SPOCK3: variants seen among roughly 807,000 people sequenced by gnomAD.
The protein encoded by SPOCK3 is SPARC (osteonectin), cwcv and kazal like domains proteoglycan 3.
Under a neutral mutation model 56.6 loss-of-function variants are expected in SPOCK3, and 30 were observed. The ratio of observed to expected loss-of-function variants is 0.53; its 90% CI spans 0.40 to 0.72. The LOEUF (loss-of-function observed/expected upper bound fraction) is 0.72, where lower values mean the gene tolerates loss of function less well. Ranked by LOEUF, SPOCK3 falls within the 30% of genes least tolerant of loss-of-function variation. The pLI, the probability that SPOCK3 is intolerant of heterozygous loss-of-function variation, is 0.00. For synonymous variants in SPOCK3, 196 were observed against 183.3 expected, an observed-to-expected ratio of 1.07 and a Z score of -0.56; for missense variants, 527 against 530.0, an observed-to-expected ratio of 0.99 and a Z score of 0.06.
At chr4:167,123,207 CA>C (rs1762002487) in intron 2 of SPOCK3, among the ~76,000 whole-genome samples, 1 of 151,666 alleles carries the variant, frequency 6.6e-6, no homozygotes, top group African/African-American at 2.4e-5. Flanking sequence ...TATTTCAATA[CA>C]ATGATACAAA....
At chr4:167,079,910 T>A (rs1382041030) in intron 2 of SPOCK3, among the ~76,000 whole-genome samples, 1 of 151,956 alleles carries the variant, frequency 6.6e-6, no homozygotes, top group African/African-American at 2.4e-5. Context: ...GCCTACCAGT[T>A]TCAGGGTGGG....
chr4:167,116,627 A>ATACTATATACGTATATATATACACG, intron 2 of SPOCK3, among the ~76,000 whole-genome samples: 1 of 132,812 alleles, frequency 7.5e-6, no homozygotes, highest in African/African-American at 2.8e-5. Flanking sequence ...ATATATACAT[A>ATACTATATACGTATATATATACACG]TATACTATAT....
At chr4:166,824,193 A>G (rs1355871993) in intron 6 of SPOCK3, among the ~76,000 whole-genome samples, 1 of 152,054 alleles carries the variant, frequency 6.6e-6, no homozygotes, top group Non-Finnish European at 1.5e-5. Flanking sequence ...TTCAATTGCT[A>G]CCCAATAAAG....
chr4:166,915,311 G>T (rs1003465871), intron 4 of SPOCK3, among the ~76,000 whole-genome samples: 2 of 151,892 alleles, frequency 1.3e-5, no homozygotes, highest in African/African-American at 4.8e-5. Context: ...ATGTATCCCA[G>T]GACTTAAAAT....
chr4:167,058,146 C>T (rs1159174695), intron 3 of SPOCK3, among the ~76,000 whole-genome samples: 1 of 152,060 alleles, frequency 6.6e-6, no homozygotes, highest in Non-Finnish European at 1.5e-5. Context: ...GAAGTTCTGG[C>T]CAGGGCAATT....
intron 2 of SPOCK3, among the ~76,000 whole-genome samples, chr4:167,099,247 C>T (rs1357139324): frequency 6.6e-6 from 1 of 151,596 alleles, no homozygotes; most frequent in East Asian, 1.9e-4. Context: ...ACATTTTCTT[C>T]ATTTTTTAGT....
At chr4:167,024,252 C>T (rs183835387) in intron 3 of SPOCK3, among the ~76,000 whole-genome samples, 11 of 151,990 alleles carry the variant, frequency 7.2e-5, no homozygotes, top group East Asian at 3.9e-4. Context: ...TTTTCCCTGA[C>T]GTTTTCCAGC....
At chr4:166,848,413 C>A (rs528503258) in intron 6 of SPOCK3, among the ~76,000 whole-genome samples, 8 of 152,242 alleles carry the variant, frequency 5.3e-5, no homozygotes, top group African/African-American at 1.2e-4. Context: ...AGACAGAATT[C>A]TTTTTGCTAG....
intron 8 of SPOCK3, among the ~76,000 whole-genome samples, chr4:166,744,969 C>T (rs1299597986): frequency 2.0e-5 from 3 of 152,028 alleles, no homozygotes; most frequent in Non-Finnish European, 2.9e-5. Context: ...ACAAAGCCTC[C>T]AAGAAATATG....
At chr4:167,092,100 T>C (rs1287216582) in intron 2 of SPOCK3, among the ~76,000 whole-genome samples, 1 of 151,964 alleles carries the variant, frequency 6.6e-6, no homozygotes. Flanking sequence ...ACCCAGCTCA[T>C]CTCACTGGGA....
At chr4:166,800,208 G>GAAAAAAAAAAAAAAAAAAAAAAAA (rs1207796263) in intron 6 of SPOCK3, among the ~76,000 whole-genome samples, 83 of 112,998 alleles carry the variant, frequency 7.3e-4, no homozygotes, top group East Asian at 4.0e-3. Flanking sequence ...AAAAAAAAAT[G>GAAAAAAAAAAAAAAAAAAAAAAAA]AAAACATGGA....
chr4:167,074,636 G>C (rs1334792340), intron 2 of SPOCK3, among the ~76,000 whole-genome samples: 6 of 151,876 alleles, frequency 4.0e-5, no homozygotes, highest in Non-Finnish European at 8.8e-5. Context: ...CTATAGCATT[G>C]TTTTTGGAGA....
In SPOCK3 at chr4:167,059,276, A is replaced by T. The variant is rs556702234; in HGVS notation, c.235+3216T>A. Among the ~76,000 whole-genome samples the T allele has an allele frequency of 4.6e-5, 7 of 152,340 alleles. No homozygotes were observed. The East Asian group carries it at 1.4e-3, about 29-fold the overall frequency. ...TTCTGACAAAGGGCTAATATCCAGA[A>T]TCTACAAAGACCTCAAACAAATTTA... On this transcript the variant is annotated intron_variant, in intron 3 of 10. Coordinates refer to ENST00000357545, the MANE Select transcript of SPOCK3 (RefSeq NM_001040159.2).
At chr4:167,162,484 G>A (rs1765402489) in intron 2 of SPOCK3, among the ~76,000 whole-genome samples, 1 of 152,056 alleles carries the variant, frequency 6.6e-6, no homozygotes, top group Non-Finnish European at 1.5e-5. Flanking sequence ...ATTATCAAAA[G>A]TAAAATTTAG....
rs112533196 is a variant in SPOCK3 at position 167,028,369 on chromosome 4, C to T, written c.236-27906G>A. Among the ~76,000 whole-genome samples, 907 of 148,164 alleles carry T rather than the reference C, an allele frequency of 6.1e-3. 8 individuals carry two copies. Among genetic ancestry groups the T allele is most frequent in the African/African-American group, 0.022 (866 of 39,096 alleles). ...TCCAGCCTGTGTGACAGAGTGAAAC[C>T]GGTAAAACAACAACAACAACAACAA... On this transcript the variant is annotated intron_variant, in intron 3 of 10. Transcript: ENST00000357545.
chr4:166,906,352 T>G (rs780291078), intron 5 of SPOCK3, among the ~76,000 whole-genome samples: 1 of 152,018 alleles, frequency 6.6e-6, no homozygotes, highest in Non-Finnish European at 1.5e-5. Context: ...AAATTTTGTG[T>G]AGAAACGGGT....
At chr4:167,163,274 T>G (rs1482540764) in intron 2 of SPOCK3, among the ~76,000 whole-genome samples, 1 of 151,704 alleles carries the variant, frequency 6.6e-6, no homozygotes, top group Admixed American at 6.6e-5. Context: ...AAACATTTAT[T>G]TTTTACATGA....
intron 3 of SPOCK3, among the ~76,000 whole-genome samples, chr4:167,056,950 T>C (rs576461916): frequency 3.3e-5 from 5 of 151,944 alleles, no homozygotes; most frequent in African/African-American, 9.7e-5. Flanking sequence ...ACAAAGATAC[T>C]CCTCGAGAAG....
At chr4:167,018,726 T>C (rs1395332879) in intron 3 of SPOCK3, among the ~76,000 whole-genome samples, 3 of 152,024 alleles carry the variant, frequency 2.0e-5, no homozygotes, top group Non-Finnish European at 2.9e-5. Flanking sequence ...TATCCTTCAG[T>C]TGGAATGCCA....
Sources: gnomAD v4.1 joint callset for allele counts (sites outside exome capture counted in the v4.1 genomes callset) on GRCh38, gnomAD v4.1.1 for gene constraint, MANE v1.5 for transcripts, NCBI Gene and HGNC (gene_info 2026-07-23, HGNC 2026-07-21) for gene names.